The following FHIT variants were observed in gnomAD, a reference collection of about 807,000 sequenced individuals.
The protein encoded by FHIT is bis(5'-adenosyl)-triphosphatase.
A neutral mutation model predicts 17.9 loss-of-function variants in FHIT; 19 were observed. That is an observed-to-expected ratio of 1.06 (90% confidence interval 0.74 to 1.56). The LOEUF is 1.56. FHIT is among the 40% of genes most tolerant of loss of function. The probability of loss-of-function intolerance (pLI) is 0.00; values close to 1 mark genes in which losing one functional copy is unlikely to be tolerated. For synonymous variants in FHIT, 81 were observed against 69.7 expected (o/e 1.16, Z -0.81); for missense variants, 248 against 189.2 (o/e 1.31, Z -1.82).
At chr3:60,637,731 G>T (rs11914311) in intron 4 of FHIT, among the ~76,000 whole-genome samples, 88,068 of 152,016 alleles carry the variant, frequency 0.58, 27,086 homozygotes, top group Non-Finnish European at 0.68. Context: ...AATTGAATTA[G>T]GTTATTATTA....
rs371626109 is a variant in FHIT, at chr3:60,263,554, C to A, written c.104-249402G>T. On this transcript the variant is annotated intron_variant, in intron 5 of 9. Coordinates refer to ENST00000492590, the MANE Select transcript of FHIT (RefSeq NM_002012.4). ...ATGCAGTAACAAGAAGGAGAAAAGG[C>A]CCCAGGAACAAAAAGATACATGCTA... Among the ~76,000 whole-genome samples the A allele has an allele frequency of 2.6e-5, 4 of 151,782 alleles. No homozygotes were observed. In the East Asian group the frequency reaches 5.8e-4, roughly 22 times the overall value.
In FHIT at chr3:60,249,286, C is replaced by A. The variant is rs185137274; in HGVS notation, c.104-235134G>T. Reference sequence around the variant, plus strand: ...CAAAAGTTGGGGGAATGAACTATTACTAAAAAATCTGGAAGACAAAATTCT... The same window carrying A: ...CAAAAGTTGGGGGAATGAACTATTAATAAAAAATCTGGAAGACAAAATTCT... On this transcript the variant is annotated intron_variant, in intron 5 of 9. Coordinates refer to ENST00000492590, the MANE Select transcript of FHIT (RefSeq NM_002012.4). 6.4e-4 allele frequency among the ~76,000 whole-genome samples: 97 copies of A among 152,194 alleles called. 3 individuals carry two copies. The highest frequency in any genetic ancestry group is 2.7e-3 in the Admixed American group (41 of 15,282).
intron 3 of FHIT, among the ~76,000 whole-genome samples, chr3:60,955,609 T>TATATATATATATATATATAC (rs1709091643): frequency 3.3e-4 from 3 of 9,150 alleles, no homozygotes; most frequent in African/African-American, 5.2e-4. Flanking sequence ...TATATATATA[T>TATATATATATATATATATAC]ATATATATAT....
intron 5 of FHIT, among the ~76,000 whole-genome samples, chr3:60,409,559 C>G (rs539248918): frequency 6.6e-6 from 1 of 152,210 alleles, no homozygotes; most frequent in South Asian, 2.1e-4. Flanking sequence ...ACTTTTTTCC[C>G]CACAGGAACT....
intron 5 of FHIT, among the ~76,000 whole-genome samples, chr3:60,139,856 G>A (rs756477779): frequency 2.6e-5 from 4 of 151,832 alleles, no homozygotes; most frequent in Non-Finnish European, 4.4e-5. Context: ...CCACGCAATG[G>A]CTCTCACCTG....
intron 4 of FHIT, among the ~76,000 whole-genome samples, chr3:60,681,972 G>T (rs2091955): frequency 0.63 from 95,287 of 150,302 alleles, 31,454 homozygotes; most frequent in Non-Finnish European, 0.74. Context: ...CTAAACAGCA[G>T]ATTTTTTTTT....
intron 5 of FHIT, among the ~76,000 whole-genome samples, chr3:60,147,782 T>C (rs1369550004): frequency 1.3e-5 from 2 of 152,184 alleles, no homozygotes; most frequent in Non-Finnish European, 2.9e-5. Flanking sequence ...ATATGCCTGC[T>C]AATTGCTGAA....
rs903771556 is a variant in FHIT, at chr3:59,749,377, G to T, written c.*208C>A. 4.3e-5 allele frequency: 10 copies of T among 231,734 alleles called. No individual in the cohort carries two copies. In the East Asian group the frequency reaches 6.1e-4, roughly 14 times the overall value. The allele number at this position is 231,734 out of a possible 1,614,324, so 14.4% of individuals were successfully genotyped here. A position where few individuals can be genotyped will look rare whatever the true frequency, so the allele number is the denominator to read the frequency against. On this transcript the variant is annotated 3_prime_UTR_variant, in exon 10 of 10. Transcript: ENST00000492590. ...GGAGACAGGGGGAAACCTCAAATCT[G>T]CCTGTCTGAGCCGTTTAGGTCTAGG...
chr3:61,147,189 A>G (rs2037250266), intron 2 of FHIT, among the ~76,000 whole-genome samples: 1 of 152,040 alleles, frequency 6.6e-6, no homozygotes, highest in Non-Finnish European at 1.5e-5. Flanking sequence ...TCTAAAATAC[A>G]TGCCTAAGAC....
intron 4 of FHIT, among the ~76,000 whole-genome samples, chr3:60,587,639 G>A (rs1321072363): frequency 6.6e-6 from 1 of 152,022 alleles, no homozygotes; most frequent in Non-Finnish European, 1.5e-5. Context: ...CAGTGAGGAT[G>A]AAGGCCCTTA....
chr3:60,203,391 T>C (rs990148779), intron 5 of FHIT, among the ~76,000 whole-genome samples: 4 of 152,146 alleles, frequency 2.6e-5, no homozygotes, highest in African/African-American at 4.8e-5. Flanking sequence ...ATAATAAATA[T>C]CCCTCAACAA....
At chr3:59,768,917 G>A (rs1244721441) in intron 8 of FHIT, among the ~76,000 whole-genome samples, 1 of 152,214 alleles carries the variant, frequency 6.6e-6, no homozygotes, top group Non-Finnish European at 1.5e-5. Flanking sequence ...TATATTTACT[G>A]AATCAAACTC....
chr3:60,273,903 A>G (rs559884076), intron 5 of FHIT, among the ~76,000 whole-genome samples: 1 of 152,358 alleles, frequency 6.6e-6, no homozygotes, highest in South Asian at 2.1e-4. Context: ...AATTAATAAA[A>G]GTATCTCATC....
rs557328604 is a variant in FHIT at position 60,086,966 on chromosome 3, G to A, written c.104-72814C>T. 5.3e-5 allele frequency among the ~76,000 whole-genome samples: 8 copies of A among 152,310 alleles called. No individual in the cohort carries two copies. The South Asian group carries it at 8.3e-4, about 16-fold the overall frequency. ...CTGTGGTGGCTGCACCTCTGTGGAA[G>A]GTCTCTGTCTATGCTTTCAGAGATC... On this transcript the variant is annotated intron_variant, in intron 5 of 9. Transcript: ENST00000492590.
chr3:60,213,555 T>G (rs1384797856), intron 5 of FHIT, among the ~76,000 whole-genome samples: 1 of 152,190 alleles, frequency 6.6e-6, no homozygotes, highest in Non-Finnish European at 1.5e-5. Flanking sequence ...AGTTTTCCAA[T>G]GAATCCCAAC....
chr3:59,991,277 A>G (rs964317781), intron 7 of FHIT, among the ~76,000 whole-genome samples: 2 of 152,106 alleles, frequency 1.3e-5, no homozygotes, highest in Admixed American at 1.3e-4. Flanking sequence ...AGTAAACCCA[A>G]TACCATATAG....
At chr3:60,945,137 G>A (rs1368096242) in intron 3 of FHIT, among the ~76,000 whole-genome samples, 3 of 152,150 alleles carry the variant, frequency 2.0e-5, no homozygotes, top group African/African-American at 7.2e-5. Flanking sequence ...TCTCTGAGAA[G>A]ATGACATTTG....
At chr3:61,229,138 GAA>G (rs140557034) in intron 1 of FHIT, among the ~76,000 whole-genome samples, 22 of 151,662 alleles carry the variant, frequency 1.5e-4, no homozygotes, top group Non-Finnish European at 2.8e-4. Context: ...TACTTTATTA[GAA>G]AAAAAAGTCT....
chr3:61,130,334 G>T (rs1169974604), intron 2 of FHIT, among the ~76,000 whole-genome samples: 2 of 152,150 alleles, frequency 1.3e-5, no homozygotes, highest in Non-Finnish European at 2.9e-5. Flanking sequence ...TCTGCTCAGT[G>T]CCGAAAAGAT....
Sources: allele counts gnomAD v4.1 joint callset (sites outside exome capture counted in the v4.1 genomes callset), GRCh38; gene constraint gnomAD v4.1.1; transcripts MANE v1.5; gene names NCBI Gene and HGNC (gene_info 2026-07-23, HGNC 2026-07-21).